ATP8B4: variants seen among roughly 807,000 people sequenced by gnomAD.
The protein encoded by ATP8B4 is probable phospholipid-transporting ATPase IM.
A neutral mutation model predicts 145.6 loss-of-function variants in ATP8B4; 133 were observed. The ratio of observed to expected loss-of-function variants is 0.91; its 90% confidence interval spans 0.79 to 1.05. The LOEUF is 1.05. Among genes scored for constraint, ATP8B4 ranks in the 50% least tolerant of loss-of-function variants. The pLI is 0.00. For synonymous variants in ATP8B4, 507 were observed against 492.9 expected (o/e 1.03, Z -0.38); for missense variants, 1,458 against 1,425.2 (o/e 1.02, Z -0.37).
chr15:49,972,711 C>A lies in ATP8B4; in HGVS notation c.1114G>T (p.Ala372Ser). ...KMYYSRKAIP[A>S]VARTTTLNEE... ...TTGAGCGTGGTCGTTCGAGCCACTG[C>A]AGGTATTGCTTTTCGAGAATAATAC... Residue 372 changes from alanine (A) to serine (S), a missense_variant, in exon 13 of 28, where the codon GCA becomes TCA. Transcript: ENST00000284509. The A allele has an allele frequency of 1.9e-6, 3 of 1,613,996 alleles. No homozygotes were observed. In the South Asian group the frequency reaches 3.3e-5, roughly 18 times the overall value.
chr15:50,153,559 G>A (rs549496750), intron 1 of ATP8B4, among the ~76,000 whole-genome samples: 24 of 152,156 alleles, frequency 1.6e-4, no homozygotes, highest in Admixed American at 2.6e-4. Context: ...GGATAGTCTC[G>A]ATCTCCTGAC....
chr15:49,964,165 G>T (rs1356237454), intron 13 of ATP8B4, among the ~76,000 whole-genome samples: 2 of 152,140 alleles, frequency 1.3e-5, no homozygotes, highest in African/African-American at 4.8e-5. Flanking sequence ...TTTCTCTGGG[G>T]TGCTGGTCTG....
chr15:49,874,697 CAA>C (rs892664843), intron 25 of ATP8B4, among the ~76,000 whole-genome samples: 3 of 152,040 alleles, frequency 2.0e-5, no homozygotes, highest in South Asian at 2.1e-4. Flanking sequence ...TTAGAAATTT[CAA>C]AAGTTTATTT....
chr15:50,067,762 T>C (rs569488216), intron 3 of ATP8B4, among the ~76,000 whole-genome samples: 17 of 152,234 alleles, frequency 1.1e-4, no homozygotes, highest in Admixed American at 9.8e-4. Flanking sequence ...TAGCATGCAC[T>C]TTGGGGCCCA....
intron 14 of ATP8B4, among the ~76,000 whole-genome samples, chr15:49,934,599 C>G (rs1014569942): frequency 2.0e-5 from 3 of 152,002 alleles, no homozygotes; most frequent in Non-Finnish European, 4.4e-5. Flanking sequence ...TAAAGCCTAC[C>G]TAATACTTGT....
intron 27 of ATP8B4, among the ~76,000 whole-genome samples, chr15:49,860,764 A>G (rs2031540987): frequency 6.6e-6 from 1 of 152,152 alleles, no homozygotes; most frequent in Admixed American, 6.5e-5. Context: ...ATTTGTATAG[A>G]AAGATTTTCT....
intron 1 of ATP8B4, among the ~76,000 whole-genome samples, chr15:50,137,833 T>G (rs568094460): frequency 6.6e-6 from 1 of 152,240 alleles, no homozygotes; most frequent in South Asian, 2.1e-4. Flanking sequence ...AAGCTAACAT[T>G]TATTAAATTC....
intron 13 of ATP8B4, among the ~76,000 whole-genome samples, chr15:49,970,252 G>C (rs1331871262): frequency 1.3e-5 from 2 of 152,172 alleles, no homozygotes; most frequent in Non-Finnish European, 2.9e-5. Context: ...GTTCAACATA[G>C]TATTGGAAGT....
chr15:50,043,959 CAAA>C (rs71424043), intron 5 of ATP8B4, among the ~76,000 whole-genome samples: 3 of 75,032 alleles, frequency 4.0e-5, no homozygotes, highest in African/African-American at 4.9e-5. Flanking sequence ...GACTCCGTTT[CAAA>C]AAAAAAAAAA....
intron 1 of ATP8B4, among the ~76,000 whole-genome samples, chr15:50,126,533 T>C (rs2057308649): frequency 6.6e-6 from 1 of 152,254 alleles, no homozygotes; most frequent in Admixed American, 6.5e-5. Flanking sequence ...CAGGGTCATA[T>C]GTCAAGATGT....
chr15:50,087,801 T>A (rs1436705936), intron 2 of ATP8B4, among the ~76,000 whole-genome samples: 2 of 152,146 alleles, frequency 1.3e-5, no homozygotes, highest in Non-Finnish European at 2.9e-5. Context: ...TAATTAACTA[T>A]ACCAAAGGAA....
intron 3 of ATP8B4, among the ~76,000 whole-genome samples, chr15:50,052,443 C>T (rs562015687): frequency 4.1e-4 from 63 of 152,238 alleles, no homozygotes; most frequent in Non-Finnish European, 7.2e-4. Flanking sequence ...GATGCCAGAC[C>T]AGGGCAGGGT....
At chr15:49,909,071 C>T (rs1471021727) in intron 20 of ATP8B4, among the ~76,000 whole-genome samples, 5 of 152,140 alleles carry the variant, frequency 3.3e-5, no homozygotes, top group Non-Finnish European at 5.9e-5. Flanking sequence ...AGCACCCATA[C>T]ATACCACTGG....
At chr15:49,868,233 C>T (rs1360452018) in intron 25 of ATP8B4, among the ~76,000 whole-genome samples, 1 of 152,118 alleles carries the variant, frequency 6.6e-6, no homozygotes, top group East Asian at 1.9e-4. Flanking sequence ...CAAACTGTCA[C>T]AGTGAAACTG....
At chr15:50,067,520 T>C (rs1419100550) in intron 3 of ATP8B4, among the ~76,000 whole-genome samples, 1 of 152,154 alleles carries the variant, frequency 6.6e-6, no homozygotes, top group African/African-American at 2.4e-5. Flanking sequence ...CTCAAACACT[T>C]TCGTGTACTT....
At chr15:50,173,878 G>C (rs1056716878) in intron 1 of ATP8B4, among the ~76,000 whole-genome samples, 1 of 152,108 alleles carries the variant, frequency 6.6e-6, no homozygotes, top group African/African-American at 2.4e-5. Flanking sequence ...GATGAACATA[G>C]ATGCTAAAAT....
In ATP8B4 at chr15:50,082,808, C is replaced by G. The variant is rs148331425; in HGVS notation, c.29-8623G>C. 5.4e-3 allele frequency among the ~76,000 whole-genome samples: 826 copies of G among 152,332 alleles called. 14 individuals carry two copies. The South Asian group carries it at 0.058, about 11-fold the overall frequency. On this transcript the variant is annotated intron_variant, in intron 2 of 27. Transcript: ENST00000284509. The stretch of plus-strand genomic sequence containing the variant: ...GCTAGATACTACATGAAGTGTTTCA[C>G]ACACATTATTTTATTAATCCTCAGA...
intron 1 of ATP8B4, among the ~76,000 whole-genome samples, chr15:50,145,365 C>CTA (rs1320699546): frequency 6.6e-6 from 1 of 152,146 alleles, no homozygotes. Flanking sequence ...GGATCAGTCT[C>CTA]TTTCTTTTTT....
At chr15:50,080,840 G>C (rs986754322) in intron 2 of ATP8B4, among the ~76,000 whole-genome samples, 1 of 152,070 alleles carries the variant, frequency 6.6e-6, no homozygotes, top group African/African-American at 2.4e-5. Flanking sequence ...TGGGCCGGGC[G>C]CAGTGGCTCA....
Sources: allele counts gnomAD v4.1 joint callset (sites outside exome capture counted in the v4.1 genomes callset), GRCh38; gene constraint gnomAD v4.1.1; transcripts MANE v1.5; gene names NCBI Gene and HGNC (gene_info 2026-07-23, HGNC 2026-07-21).